The following ZIM2 variants were observed in gnomAD, a reference collection of about 807,000 sequenced individuals.
ZIM2 encodes the protein zinc finger imprinted 2, also known as zinc finger protein 656.
Under a neutral mutation model 38.6 loss-of-function variants are expected in ZIM2, and 14 were observed. That is an observed-to-expected ratio of 0.36 (90% CI 0.24 to 0.57). The LOEUF (loss-of-function observed/expected upper bound fraction) is 0.57. ZIM2 is among the 20% of genes least tolerant of loss of function. The pLI is 0.81. For missense variants in ZIM2, 680 were observed against 695.1 expected (o/e 0.98, Z 0.24); for synonymous variants, 247 against 245.8 (o/e 1.00, Z -0.04).
At chr19:56,784,681 G>T (rs1162311813) in intron 10 of ZIM2, among the ~76,000 whole-genome samples, 1 of 152,144 alleles carries the variant, frequency 6.6e-6, no homozygotes, top group Non-Finnish European at 1.5e-5. Context: ...GGAGTTTTGA[G>T]TTCTGCTATT....
At chr19:56,821,872 T>C (rs1037807772) in intron 6 of ZIM2, 118 bp from the exon 7 acceptor site, 2 of 1,069,382 alleles carry the variant, frequency 1.9e-6, no homozygotes, top group Non-Finnish European at 2.8e-6. Context: ...CAAGTGCCTT[T>C]CTCTTCTCTG....
intron 9 of ZIM2, among the ~76,000 whole-genome samples, chr19:56,807,078 G>C (rs1764366442): frequency 6.6e-6 from 1 of 152,190 alleles, no homozygotes; most frequent in Admixed American, 6.5e-5. Context: ...GCCCCAAACA[G>C]TACCTGACAC....
intron 9 of ZIM2, chr19:56,816,765 T>C (rs1233712925): frequency 1.2e-6 from 2 of 1,614,012 alleles, no homozygotes; most frequent in African/African-American, 1.3e-5. Context: ...AGAATTTGTC[T>C]TTGCCATATA....
rs763223692 is a variant in ZIM2 at position 56,814,610 on chromosome 19, C to T, written c.490+3136G>A. ...ACTGCACATTCAAAGAGTCTCTCTT[C>T]GGTCTGACTTCTCTGAAACTCAGTG... On this transcript the variant is annotated intron_variant, in intron 9 of 12. Transcript: ENST00000629319. This position sits in a 1 kb window ranked among gnomAD's most constrained non-coding sequence, Gnocchi z 5.8. 2.7e-5 allele frequency: 43 copies of T among 1,613,950 alleles called. No homozygotes were observed. Among genetic ancestry groups the T allele is most frequent in the South Asian group, 2.6e-4 (24 of 91,082 alleles).
intron 3 of ZIM2, among the ~76,000 whole-genome samples, chr19:56,825,927 G>A (rs1215711043): frequency 2.6e-5 from 4 of 152,084 alleles, no homozygotes; most frequent in East Asian, 1.9e-4. Flanking sequence ...ATGTTTACTC[G>A]TCTCAGTGAT....
intron 9 of ZIM2, chr19:56,813,844 A>T: frequency 6.2e-7 from 1 of 1,614,182 alleles, no homozygotes; most frequent in Non-Finnish European, 8.5e-7. Context: ...TGCAGGCTCA[A>T]ATATGATCAT....
Position 56,814,183 on chromosome 19 carries a change from CCGTT to C in ZIM2, c.490+3559_490+3562del. On this transcript the variant is annotated intron_variant, in intron 9 of 12. Transcript: ENST00000629319. This position sits in a 1 kb window ranked among gnomAD's most constrained non-coding sequence, Gnocchi z 5.8. ...CTCTCCATCTGGCCCTTCAGCCTCT[CCGTT>C]TGGCTCAGCAGCCTCCACTTCTGGC... 6.2e-7 allele frequency: 1 copy of C among 1,613,300 alleles called. No individual in the cohort carries two copies. Among genetic ancestry groups the C allele is most frequent in the Non-Finnish European group, 8.5e-7 (1 of 1,179,830 alleles).
At chr19:56,826,916 G>T (rs1347081649) in intron 2 of ZIM2, among the ~76,000 whole-genome samples, 1 of 152,122 alleles carries the variant, frequency 6.6e-6, no homozygotes, top group Non-Finnish European at 1.5e-5. Context: ...TAACAGACAT[G>T]AATTGAAGCA....
In ZIM2 at chr19:56,824,406, C is replaced by T; in HGVS notation, c.-129G>A. The T allele has an allele frequency of 6.2e-7, 1 of 1,614,136 alleles. No individual in the cohort carries two copies. Among genetic ancestry groups the T allele is most frequent in the Admixed American group, 1.7e-5 (1 of 60,016 alleles). On this transcript the variant is annotated 5_prime_UTR_variant, in exon 4 of 13. Coordinates refer to ENST00000629319, the MANE Select transcript of ZIM2 (RefSeq NM_001387356.1). ...TCAAGGACCAAGAGCTCGATGATCT[C>T]CTCCTTGGTGCGGGTCTCCGGCTGC...
At chr19:56,807,402 T>C (rs781278986) in intron 9 of ZIM2, among the ~76,000 whole-genome samples, 2 of 152,258 alleles carry the variant, frequency 1.3e-5, no homozygotes, top group Non-Finnish European at 2.9e-5. Flanking sequence ...GTTATGATTA[T>C]ACAGACAGAA....
At chr19:56,826,940 G>C (rs1162530762) in intron 2 of ZIM2, among the ~76,000 whole-genome samples, 1 of 152,054 alleles carries the variant, frequency 6.6e-6, no homozygotes, top group Non-Finnish European at 1.5e-5. Flanking sequence ...AGTACCCTAG[G>C]TGAAAGCTAT....
At chr19:56,825,853 A>G (rs2060972734) in intron 3 of ZIM2, among the ~76,000 whole-genome samples, 1 of 152,226 alleles carries the variant, frequency 6.6e-6, no homozygotes, top group African/African-American at 2.4e-5. Flanking sequence ...AGGTGTTTCC[A>G]TTATTCAGAG....
intron 12 of ZIM2, among the ~76,000 whole-genome samples, chr19:56,778,939 A>G (rs537602851): frequency 1.1e-4 from 16 of 152,218 alleles, no homozygotes; most frequent in South Asian, 6.2e-4. Context: ...CTGAGTTGGC[A>G]TAAGTAGGGG....
At chr19:56,820,501 C>A (rs138789275) in intron 7 of ZIM2, among the ~76,000 whole-genome samples, 38 of 152,302 alleles carry the variant, frequency 2.5e-4, no homozygotes, top group Non-Finnish European at 4.6e-4. Flanking sequence ...ATGCCTCCAG[C>A]CTTCTTCCTA....
chr19:56,801,233 G>A (rs1195302986), intron 9 of ZIM2, among the ~76,000 whole-genome samples: 1 of 152,068 alleles, frequency 6.6e-6, no homozygotes, highest in African/African-American at 2.4e-5. Context: ...ACCTCTCCCG[G>A]TCTCTTTATG....
Position 56,823,646 on chromosome 19 carries a change from T to C in ZIM2, c.50A>G (p.Asp17Gly), listed in dbSNP as rs2060720332. 6 of 1,614,032 alleles carry C rather than the reference T, an allele frequency of 3.7e-6. No homozygotes were observed. The highest frequency in any genetic ancestry group is 5.1e-6 in the Non-Finnish European group (6 of 1,180,034). Residue 17 changes from aspartate to glycine, a missense_variant, in exon 5 of 13, where the codon GAC (aspartate) becomes GGC (glycine). Physicochemically the swap from Asp to Gly is moderately conservative, Grantham distance 94. Transcript: ENST00000629319. ...GGACTCTCTTCTGTTCCGGGTCATG[T>C]CGTCGTCGCTGGTCACGTCACTGTT... ...DNNSDVTSDD[D>G]MTRNRRESSP...
intron 9 of ZIM2, among the ~76,000 whole-genome samples, chr19:56,801,294 A>G (rs987733731): frequency 2.6e-5 from 4 of 152,070 alleles, no homozygotes; most frequent in Non-Finnish European, 5.9e-5. Flanking sequence ...TTTTAATTCT[A>G]TAATCTTTGA....
chr19:56,838,411 G>A (rs577346608), intron 1 of ZIM2, among the ~76,000 whole-genome samples: 3 of 152,318 alleles, frequency 2.0e-5, no homozygotes, highest in East Asian at 1.9e-4. Flanking sequence ...GGGCAGTGGA[G>A]GTGAGGGTGC....
intron 9 of ZIM2, chr19:56,813,948 A>T: frequency 6.2e-7 from 1 of 1,614,092 alleles, no homozygotes; most frequent in Non-Finnish European, 8.5e-7. Flanking sequence ...CTTCTACCTG[A>T]ATCTCTTGAT....
Sources: gnomAD v4.1 joint callset for allele counts (sites outside exome capture counted in the v4.1 genomes callset) on GRCh38, gnomAD v4.1.1 for gene constraint, Gnocchi (gnomAD v3.1) non-coding constraint, MANE v1.5 for transcripts, NCBI Gene and HGNC (gene_info 2026-07-23, HGNC 2026-07-21) for gene names.